NCAM1: variants seen among roughly 807,000 people sequenced by gnomAD.
The protein encoded by NCAM1 is neural cell adhesion molecule 1, also known as antigen recognized by monoclonal antibody 5.1H11.
In NCAM1, 14 loss-of-function variants were observed where a neutral mutation model predicts 109.8. The observed-to-expected ratio is 0.13, with a 90% CI of 0.08 to 0.20. The LOEUF (loss-of-function observed/expected upper bound fraction) is 0.20. NCAM1 is among the 10% of genes least tolerant of loss of function. NCAM1 has a pLI of 1.00. For missense variants in NCAM1, 774 were observed against 1,109.9 expected, an observed-to-expected ratio of 0.70 and a Z score of 4.30; for synonymous variants, 418 against 442.9, an observed-to-expected ratio of 0.94 and a Z score of 0.70.
intron 1 of NCAM1, among the ~76,000 whole-genome samples, chr11:113,084,841 C>A (rs1362631545): frequency 1.3e-5 from 2 of 152,344 alleles, no homozygotes; most frequent in Non-Finnish European, 2.9e-5. Flanking sequence ...AAAGTGTTAA[C>A]TACCCAGTAG....
intron 1 of NCAM1, among the ~76,000 whole-genome samples, chr11:113,199,963 A>G (rs1462754598): frequency 6.6e-6 from 1 of 151,846 alleles, no homozygotes; most frequent in African/African-American, 2.4e-5. Context: ...GCATTTGGAT[A>G]TGAAAACTCC....
chr11:113,070,276 A>G (rs1218209941), intron 1 of NCAM1, among the ~76,000 whole-genome samples: 1 of 152,150 alleles, frequency 6.6e-6, no homozygotes, highest in Non-Finnish European at 1.5e-5. Flanking sequence ...ATAGCCAGGG[A>G]GGTGAAAGAA....
At chr11:113,221,914 C>T (rs1555115406) in intron 9 of NCAM1, 2 of 152,340 alleles carry the variant, frequency 1.3e-5, no homozygotes, top group African/African-American at 4.8e-5. Flanking sequence ...TGATGTGGTA[C>T]AAATGGTTTT....
intron 1 of NCAM1, among the ~76,000 whole-genome samples, chr11:113,142,366 G>A (rs1163810225): frequency 6.6e-6 from 1 of 152,232 alleles, no homozygotes; most frequent in Non-Finnish European, 1.5e-5. Context: ...TGAACGACAA[G>A]ATGGTTTCAA....
At chr11:112,964,041 T>TA (rs1341690713) in intron 1 of NCAM1, among the ~76,000 whole-genome samples, 5 of 150,928 alleles carry the variant, frequency 3.3e-5, no homozygotes, top group South Asian at 2.1e-4. Flanking sequence ...AGTTTTTTTT[T>TA]AAAAAAATCA....
chr11:113,244,537 T>C (rs1945439093), intron 14 of NCAM1, among the ~76,000 whole-genome samples: 1 of 152,202 alleles, frequency 6.6e-6, no homozygotes, highest in Non-Finnish European at 1.5e-5. Context: ...ATGTGGCACA[T>C]GTGAATTGCA....
chr11:113,123,468 T>C (rs1246408503), intron 1 of NCAM1, among the ~76,000 whole-genome samples: 23 of 152,342 alleles, frequency 1.5e-4, no homozygotes, highest in Middle Eastern at 3.4e-3. Context: ...TCTGGGACAC[T>C]CTTACTCTGT....
At chr11:113,202,331 G>A (rs782223470) in intron 1 of NCAM1, 48 bp from the exon 2 acceptor site, 26 of 1,299,216 alleles carry the variant, frequency 2.0e-5, no homozygotes, top group Non-Finnish European at 2.8e-5. Context: ...GAACTTTGTG[G>A]GTTTTTTTTT....
intron 1 of NCAM1, among the ~76,000 whole-genome samples, chr11:113,198,031 T>A (rs913693243): frequency 1.3e-5 from 2 of 151,488 alleles, no homozygotes; most frequent in South Asian, 2.1e-4. Flanking sequence ...ATCATCAGTT[T>A]AAAAAAAAAG....
chr11:113,232,534 T>C (rs1322447336), intron 11 of NCAM1, among the ~76,000 whole-genome samples, 180 bp downstream of exon 11: 1 of 152,118 alleles, frequency 6.6e-6, no homozygotes, highest in African/African-American at 2.4e-5. Flanking sequence ...ACCAGTCCCC[T>C]CCCTGAATGT....
intron 1 of NCAM1, among the ~76,000 whole-genome samples, chr11:112,998,707 A>G (rs1376001354): frequency 1.3e-5 from 2 of 152,096 alleles, no homozygotes; most frequent in African/African-American, 2.4e-5. Flanking sequence ...TTTAGTCAAA[A>G]ACTCAAAACG....
At chr11:113,108,921 A>G (rs1483721727) in intron 1 of NCAM1, among the ~76,000 whole-genome samples, 5 of 151,234 alleles carry the variant, frequency 3.3e-5, no homozygotes, top group African/African-American at 9.7e-5. Context: ...TATTTTTAGT[A>G]GAGGTGGGGT....
At chr11:113,186,929 G>A (rs1943525715) in intron 1 of NCAM1, among the ~76,000 whole-genome samples, 1 of 152,184 alleles carries the variant, frequency 6.6e-6, no homozygotes, top group African/African-American at 2.4e-5. Flanking sequence ...GCTCCTTAGG[G>A]GACATGAGTG....
chr11:113,182,230 T>C (rs569305811), intron 1 of NCAM1, among the ~76,000 whole-genome samples: 19 of 152,322 alleles, frequency 1.2e-4, no homozygotes, highest in African/African-American at 4.6e-4. Flanking sequence ...TCTCGTTCTC[T>C]ATTTCTCCAA....
Position 113,232,263 on chromosome 11 carries a change from C to T in NCAM1, c.1334C>T (p.Thr445Met), listed in dbSNP as rs550720092. ...TCEVFAYPSA[T>M]ISWFRDGQLL... Reference sequence around the variant, plus strand: ...GAGGTATTTGCCTATCCCAGTGCCACGATCTCATGGTTTCGGGATGGCCAG... The same window carrying T: ...GAGGTATTTGCCTATCCCAGTGCCATGATCTCATGGTTTCGGGATGGCCAG... The change falls in exon 11 of 20, where the codon ACG becomes ATG. Residue 445 changes from threonine to methionine, a missense_variant. Thr to Met is a moderately conservative substitution (Grantham distance 81, BLOSUM62 -1). This residue lies in a region of NCAM1 where 523 missense variants were observed against 784.2 expected (regional missense o/e 0.67). Coordinates refer to ENST00000316851, the MANE Select transcript of NCAM1 (RefSeq NM_181351.5). 1.0e-4 allele frequency: 167 copies of T among 1,613,894 alleles called. No homozygotes were observed. The highest frequency in any genetic ancestry group is 1.7e-4 in the African/African-American group (13 of 75,016).
At chr11:113,143,284 G>A (rs186489149) in intron 1 of NCAM1, among the ~76,000 whole-genome samples, 1 of 152,276 alleles carries the variant, frequency 6.6e-6, no homozygotes, top group African/African-American at 2.4e-5. Flanking sequence ...TGACAGAGGT[G>A]AGAATAAAAG....
intron 1 of NCAM1, among the ~76,000 whole-genome samples, chr11:113,068,341 A>G (rs928904645): frequency 5.9e-5 from 9 of 152,280 alleles, no homozygotes; most frequent in South Asian, 4.2e-4. Flanking sequence ...GTGATTAAGC[A>G]TCGGTTTCCT....
rs1049355025 is a variant in NCAM1 at position 113,273,621 on chromosome 11, G to A, written c.2457-1646G>A. On this transcript the variant is annotated intron_variant, in intron 19 of 19. Transcript: ENST00000316851. This position sits in a 1 kb window ranked among gnomAD's most constrained non-coding sequence, Gnocchi z 6.0. Reference sequence around the variant, plus strand: ...AGGGAACTTCAAGACCCCAGATATTGACCTTGCAAAGGATGTTTTTGCAGC... The same window carrying A: ...AGGGAACTTCAAGACCCCAGATATTAACCTTGCAAAGGATGTTTTTGCAGC... 4 of 454,318 alleles carry A rather than the reference G, an allele frequency of 8.8e-6. No individual in the cohort carries two copies. In the Admixed American group the frequency reaches 9.4e-5, roughly 11 times the overall value. 28.1% of individuals were successfully genotyped at this position (454,318 alleles called of 1,614,324 possible). A position where few individuals can be genotyped will look rare whatever the true frequency, so the allele number is the denominator to read the frequency against.
intron 1 of NCAM1, among the ~76,000 whole-genome samples, chr11:113,173,111 C>A (rs1206873697): frequency 6.6e-6 from 1 of 152,158 alleles, no homozygotes; most frequent in African/African-American, 2.4e-5. Flanking sequence ...CTACACAATG[C>A]CTGCACAACT....
Sources: gnomAD v4.1 joint callset for allele counts (sites outside exome capture counted in the v4.1 genomes callset) on GRCh38, gnomAD v4.1.1 for gene constraint, gnomAD v4.1.1 regional missense constraint, Gnocchi (gnomAD v3.1) non-coding constraint, MANE v1.5 for transcripts, NCBI Gene and HGNC (gene_info 2026-07-23, HGNC 2026-07-21) for gene names.